The following PKD2L1 variants were observed in gnomAD, a reference collection of about 807,000 sequenced individuals.
PKD2L1 encodes the protein polycystin-2-like protein 1.
Under a neutral mutation model 93.0 loss-of-function variants are expected in PKD2L1, and 77 were observed. That is an observed-to-expected ratio of 0.83 (90% CI 0.69 to 1.00). The LOEUF (loss-of-function observed/expected upper bound fraction) is 1.00, where lower values mean the gene tolerates loss of function less well. Among genes scored for constraint, PKD2L1 ranks in the 50% least tolerant of loss-of-function variants. The pLI is 0.00. For missense variants in PKD2L1, 977 were observed against 990.9 expected (o/e 0.99, Z 0.19); for synonymous variants, 390 against 388.0 (o/e 1.01, Z -0.06).
chr10:100,297,702 T>TTGTGTGTGTGTGTGTGTG (rs60373525), intron 4 of PKD2L1, 96 bp from the exon 5 acceptor site: 6 of 607,440 alleles, frequency 9.9e-6, no homozygotes, highest in African/African-American at 5.8e-5. Context: ...GGTTTACATA[T>TTGTGTGTGTGTGTGTGTG]TGTGTGTGTG....
At chr10:100,296,727 TA>T (rs1427770212) in intron 6 of PKD2L1, among the ~76,000 whole-genome samples, 1 of 150,248 alleles carries the variant, frequency 6.7e-6, no homozygotes, top group Non-Finnish European at 1.5e-5. Context: ...AGGAGCAGAA[TA>T]TAGTACACTA....
At chr10:100,313,806 T>G (rs1396196552) in intron 2 of PKD2L1, among the ~76,000 whole-genome samples, 1 of 152,184 alleles carries the variant, frequency 6.6e-6, no homozygotes, top group African/African-American at 2.4e-5. Context: ...CATGAAGTGT[T>G]GCAAAATAAA....
At chr10:100,318,232 T>A (rs1406795313) in intron 2 of PKD2L1, among the ~76,000 whole-genome samples, 3 of 152,182 alleles carry the variant, frequency 2.0e-5, no homozygotes, top group Non-Finnish European at 4.4e-5. Flanking sequence ...ATCCTTATAA[T>A]CCCCTACCTG....
intron 2 of PKD2L1, among the ~76,000 whole-genome samples, chr10:100,301,460 C>T (rs1052675436): frequency 4.0e-5 from 6 of 151,606 alleles, no homozygotes; most frequent in Non-Finnish European, 7.4e-5. Flanking sequence ...AGAGGCCCCC[C>T]CCCCGGGAAT....
In PKD2L1 at chr10:100,294,635, A is replaced by T. The variant is rs759256893; in HGVS notation, c.1559T>A (p.Ile520Asn). The change falls in exon 9 of 16, where the codon ATC (isoleucine) becomes AAC (asparagine). Residue 520 changes from isoleucine to asparagine, a missense_variant. By Grantham distance (149) the Ile-to-Asn change is moderately radical. Coordinates refer to ENST00000318222, the MANE Select transcript of PKD2L1 (RefSeq NM_016112.3). The part of the protein sequence containing the change: ...IKCIFTQFRI[I>N]LGDFDYNAID... ...AGCATTGTAGTCAAAGTCCCCGAGG[A>T]TTATCCGGAACTGAGTGAAACTGAG... is the stretch of plus-strand genomic sequence containing the variant. 3.7e-6 allele frequency: 6 copies of T among 1,614,048 alleles called. No individual in the cohort carries two copies. Among genetic ancestry groups the T allele is most frequent in the South Asian group, 3.3e-5 (3 of 91,074 alleles).
At chr10:100,301,461 C>CT (rs150913784) in intron 2 of PKD2L1, among the ~76,000 whole-genome samples, 1 of 151,636 alleles carries the variant, frequency 6.6e-6, no homozygotes, top group African/African-American at 2.4e-5. Flanking sequence ...GAGGCCCCCC[C>CT]CCCGGGAATG....
At chr10:100,320,967 T>C (rs183612544) in intron 2 of PKD2L1, among the ~76,000 whole-genome samples, 1 of 152,368 alleles carries the variant, frequency 6.6e-6, no homozygotes, top group East Asian at 1.9e-4. Flanking sequence ...GCTGCAGCTA[T>C]AGATACATTT....
Position 100,297,176 on chromosome 10 carries a change from G to A in PKD2L1, c.989C>T (p.Ala330Val), listed in dbSNP as rs1295646926. The A allele has an allele frequency of 6.2e-7, 1 of 1,613,886 alleles. No homozygotes were observed. Among genetic ancestry groups the A allele is most frequent in the Non-Finnish European group, 8.5e-7 (1 of 1,180,006 alleles). Residue 330 changes from alanine to valine, a missense_variant, in exon 6 of 16, where the codon GCC becomes GTC. Coordinates refer to ENST00000318222, the MANE Select transcript of PKD2L1 (RefSeq NM_016112.3). ...TGTGCGGATTTGCCAGGATGGGATG[G>A]CACCTCCTGTAGCTGGAAACTCCAC... ...LVVEFPATGG[A>V]IPSWQIRTVK...
intron 2 of PKD2L1, among the ~76,000 whole-genome samples, chr10:100,324,282 A>G (rs1221798556): frequency 6.6e-6 from 1 of 152,248 alleles, no homozygotes; most frequent in Non-Finnish European, 1.5e-5. Context: ...ATGGACCTAC[A>G]TTGACACATG....
intron 2 of PKD2L1, among the ~76,000 whole-genome samples, chr10:100,302,238 CACACACACACACACGCAT>C (rs1318623607): frequency 4.2e-5 from 4 of 95,112 alleles, no homozygotes; most frequent in African/African-American, 1.1e-4. Context: ...TTCATGCATA[CACACACACACACACGCAT>C]ACACACACAC....
At position 100,329,193 on chromosome 10, in the gene PKD2L1, A is replaced by C; in HGVS notation, c.349+18T>G. The C allele has an allele frequency of 1.2e-6, 2 of 1,613,206 alleles. No individual in the cohort carries two copies. The highest frequency in any genetic ancestry group is 1.7e-6 in the Non-Finnish European group (2 of 1,179,174). ...TGTTTCTCACAGACAGATGTACACA[A>C]ACACAGATGCTACTCACGTAGACAG... On this transcript the variant is annotated intron_variant, in intron 2 of 15. Coordinates refer to ENST00000318222, the MANE Select transcript of PKD2L1 (RefSeq NM_016112.3).
intron 2 of PKD2L1, among the ~76,000 whole-genome samples, chr10:100,308,931 T>C (rs1848868859): frequency 6.6e-6 from 1 of 152,212 alleles, no homozygotes; most frequent in Admixed American, 6.5e-5. Flanking sequence ...CAAAAGCACT[T>C]GTTAAACTCA....
chr10:100,290,284 G>A, intron 13 of PKD2L1, 117 bp downstream of exon 13: 1 of 1,265,022 alleles, frequency 7.9e-7, no homozygotes, highest in Non-Finnish European at 1.1e-6. Context: ...TTAAAGGGGA[G>A]CGGAGGTTCT....
At chr10:100,325,056 G>C (rs916010303) in intron 2 of PKD2L1, among the ~76,000 whole-genome samples, 1 of 152,132 alleles carries the variant, frequency 6.6e-6, no homozygotes, top group African/African-American at 2.4e-5. Flanking sequence ...AAGTGGATCT[G>C]GTTCAGTGTT....
intron 1 of PKD2L1, among the ~76,000 whole-genome samples, 190 bp from the exon 2 acceptor site, chr10:100,329,514 G>A (rs139454491): frequency 1.3e-5 from 2 of 152,280 alleles, no homozygotes; most frequent in African/African-American, 4.8e-5. Flanking sequence ...CCCTGAGGTC[G>A]ACAGGGGTGA....
intron 2 of PKD2L1, among the ~76,000 whole-genome samples, chr10:100,306,649 A>T (rs1036273202): frequency 1.3e-5 from 2 of 151,860 alleles, no homozygotes; most frequent in African/African-American, 4.8e-5. Context: ...ACTACTTGAG[A>T]CAGGAGTTTG....
At position 100,329,889 on chromosome 10, in the gene PKD2L1, T is replaced by C. The variant is rs772329488; in HGVS notation, c.215A>G (p.His72Arg). ...YRTQVSSCCL[H>R]ICQGIRGLWG... ...GGTACCTCTGATGCCTTGACAGATA[T>C]GGAGGCAGCAGCTGGACACCTGGGT... Residue 72 changes from histidine to arginine, a missense_variant, in exon 1 of 16, where the codon CAT becomes CGT. By Grantham distance (29) the His-to-Arg change is conservative. Coordinates refer to ENST00000318222, the MANE Select transcript of PKD2L1 (RefSeq NM_016112.3). 5.0e-6 allele frequency: 8 copies of C among 1,610,042 alleles called. No individual in the cohort carries two copies. Among genetic ancestry groups the C allele is most frequent in the Non-Finnish European group, 6.8e-6 (8 of 1,176,610 alleles).
chr10:100,326,815 T>TTTGACCCAAACCTGTGC (rs1419829631), intron 2 of PKD2L1, among the ~76,000 whole-genome samples: 1 of 152,202 alleles, frequency 6.6e-6, no homozygotes, highest in Non-Finnish European at 1.5e-5. Flanking sequence ...GTGCACAGTG[T>TTTGACCCAAACCTGTGC]TTGACCCAAA....
At chr10:100,329,452 T>A in intron 1 of PKD2L1, 128 bp from the exon 2 acceptor site, 4 of 1,248,902 alleles carry the variant, frequency 3.2e-6, no homozygotes, top group Non-Finnish European at 4.5e-6. Context: ...CCTTCATCCT[T>A]GGCTGAATCT....
Sources: allele counts gnomAD v4.1 joint callset (sites outside exome capture counted in the v4.1 genomes callset), GRCh38; gene constraint gnomAD v4.1.1; transcripts MANE v1.5; gene names NCBI Gene and HGNC (gene_info 2026-07-23, HGNC 2026-07-21).